The following KIAA1217 variants were observed in gnomAD, a reference collection of about 807,000 sequenced individuals.
KIAA1217 encodes the protein sickle tail protein homolog.
In KIAA1217, 88 loss-of-function variants were observed where a neutral mutation model predicts 163.9. The ratio of observed to expected loss-of-function variants is 0.54; its 90% confidence interval spans 0.45 to 0.64. The LOEUF is 0.64. Ranked by LOEUF, KIAA1217 falls within the 30% of genes least tolerant of loss-of-function variation. The pLI, the probability that KIAA1217 is intolerant of heterozygous loss-of-function variation, is 0.00. For synonymous variants in KIAA1217, 903 were observed against 923.1 expected, an observed-to-expected ratio of 0.98 and a Z score of 0.39; for missense variants, 2,372 against 2,475.0, an observed-to-expected ratio of 0.96 and a Z score of 0.88.
intron 1 of KIAA1217, among the ~76,000 whole-genome samples, chr10:23,801,293 G>A (rs1358237206): frequency 6.6e-6 from 1 of 152,156 alleles, no homozygotes; most frequent in Non-Finnish European, 1.5e-5. Context: ...CATGAACAGA[G>A]GCAGGGGAAC....
intron 1 of KIAA1217, among the ~76,000 whole-genome samples, chr10:23,725,814 G>T (rs1037891201): frequency 6.6e-6 from 1 of 152,198 alleles, no homozygotes; most frequent in Non-Finnish European, 1.5e-5. Context: ...AGCACAATTG[G>T]TTTTTCCAAG....
rs71397953 is a variant in KIAA1217 at position 24,501,729 on chromosome 10, C to CTTTTTT, written c.2001+216_2001+221dup. 3.7e-4 allele frequency among the ~76,000 whole-genome samples: 19 copies of CTTTTTT among 51,504 alleles called. 5 individuals are homozygous for CTTTTTT. The highest frequency in any genetic ancestry group is 1.5e-3 in the East Asian group (2 of 1,294). The allele number at this position is 51,504 out of a possible 152,430, so 33.8% of individuals were successfully genotyped here. A position where few individuals can be genotyped will look rare whatever the true frequency, so the allele number is the denominator to read the frequency against. ...AACTATAGTCAATCTATAACCACTTCTTTTTTTTTTTTTTTTTTTTTTTTT... is the reference window on the plus strand; with the variant it reads ...AACTATAGTCAATCTATAACCACTTCTTTTTTTTTTTTTTTTTTTTTTTTTTTTTTT... On this transcript the variant is annotated intron_variant, in intron 9 of 20. Coordinates refer to ENST00000376454, the MANE Select transcript of KIAA1217 (RefSeq NM_019590.5).
intron 2 of KIAA1217, among the ~76,000 whole-genome samples, chr10:24,360,526 T>C (rs1382527219): frequency 6.6e-6 from 1 of 152,240 alleles, no homozygotes; most frequent in East Asian, 1.9e-4. Flanking sequence ...ATTACAGTTT[T>C]TTCACAGACT....
intron 1 of KIAA1217, among the ~76,000 whole-genome samples, chr10:23,989,680 T>C (rs552135087): frequency 2.0e-5 from 3 of 152,194 alleles, no homozygotes; most frequent in Non-Finnish European, 4.4e-5. Context: ...CCATTACTTT[T>C]AATTAGGGAT....
intron 1 of KIAA1217, among the ~76,000 whole-genome samples, chr10:23,858,793 A>G (rs548096655): frequency 6.6e-6 from 1 of 152,256 alleles, no homozygotes; most frequent in South Asian, 2.1e-4. Context: ...TTTCAAGTCT[A>G]AAAGACCTGG....
At chr10:24,159,615 A>C (rs2065029336) in intron 2 of KIAA1217, among the ~76,000 whole-genome samples, 1 of 151,834 alleles carries the variant, frequency 6.6e-6, no homozygotes, top group Non-Finnish European at 1.5e-5. Context: ...CCGTCTCAAA[A>C]AAAAAAAATG....
rs550621784 is a variant in KIAA1217 at position 23,813,200 on chromosome 10, A to T, written c.-321+117966A>T. On this transcript the variant is annotated intron_variant, in intron 1 of 18. Coordinates refer to the KIAA1217 transcript ENST00000376462. Reference sequence around the variant, plus strand: ...TCTCTGATGGCTCATCATGTTGAACATCTTGAGCCTATTGGCCATTTGTGT... The same window carrying T: ...TCTCTGATGGCTCATCATGTTGAACTTCTTGAGCCTATTGGCCATTTGTGT... Among the ~76,000 whole-genome samples the T allele has an allele frequency of 1.8e-4, 27 of 152,236 alleles. No homozygotes were observed. In the South Asian group the frequency reaches 2.7e-3, roughly 15 times the overall value.
At chr10:24,217,882 G>C (rs910528472) in intron 1 of KIAA1217, among the ~76,000 whole-genome samples, 2 of 152,082 alleles carry the variant, frequency 1.3e-5, no homozygotes, top group African/African-American at 4.8e-5. Context: ...GAGGTAGAAG[G>C]CTCTTTGCAT....
Position 24,338,239 on chromosome 10 carries a change from C to T in KIAA1217, c.355-42630C>T, listed in dbSNP as rs1201774423. Among the ~76,000 whole-genome samples the T allele has an allele frequency of 5.3e-5, 8 of 152,270 alleles. No individual in the cohort carries two copies. The South Asian group carries it at 1.2e-3, about 24-fold the overall frequency. On this transcript the variant is annotated intron_variant, in intron 2 of 20. Transcript: ENST00000376454. The stretch of plus-strand genomic sequence containing the variant: ...TTATACAGGTTATTCTAAAGAGGCC[C>T]GAGACAGCTATCCTTTTCTGAGTCC...
chr10:24,363,021 C>T (rs2050236061), intron 2 of KIAA1217, among the ~76,000 whole-genome samples: 1 of 152,006 alleles, frequency 6.6e-6, no homozygotes, highest in African/African-American at 2.4e-5. Flanking sequence ...TTTTAGCAGC[C>T]TCCAGAGTTT....
intron 1 of KIAA1217, among the ~76,000 whole-genome samples, chr10:23,807,870 G>C (rs1423405365): frequency 6.6e-6 from 1 of 152,166 alleles, no homozygotes; most frequent in Non-Finnish European, 1.5e-5. Context: ...CTGGCAATTG[G>C]AGTTTTAAGC....
At position 24,203,049 on chromosome 10, in the gene KIAA1217, G is replaced by C. The variant is rs1050485914; in HGVS notation, c.-170-16577G>C. Among the ~76,000 whole-genome samples the C allele has an allele frequency of 2.6e-5, 4 of 152,040 alleles. No homozygotes were observed. In the South Asian group the frequency reaches 8.3e-4, roughly 32 times the overall value. The stretch of plus-strand genomic sequence containing the variant: ...TACAAAAAAATATAAAATTAGCCAG[G>C]CATGGTGGAGTGTGCCTGTAGTCCC... On this transcript the variant is annotated intron_variant, in intron 2 of 18. Transcript: ENST00000376462.
intron 1 of KIAA1217, among the ~76,000 whole-genome samples, chr10:23,791,983 T>G (rs1588829534): frequency 6.6e-6 from 1 of 152,230 alleles, no homozygotes. Context: ...GATTTGCAAT[T>G]TGAGCTACAT....
At chr10:23,765,591 A>T (rs1262866546) in intron 1 of KIAA1217, among the ~76,000 whole-genome samples, 1 of 152,054 alleles carries the variant, frequency 6.6e-6, no homozygotes, top group Non-Finnish European at 1.5e-5. Flanking sequence ...GGAGGGAGGG[A>T]TATGCTGGGA....
At chr10:24,404,787 C>G (rs1302564311) in intron 3 of KIAA1217, among the ~76,000 whole-genome samples, 3 of 152,068 alleles carry the variant, frequency 2.0e-5, no homozygotes, top group African/African-American at 2.4e-5. Flanking sequence ...ACATGCATAC[C>G]ATGGAATACT....
chr10:24,049,855 T>C (rs1849362774), intron 2 of KIAA1217, among the ~76,000 whole-genome samples: 1 of 152,236 alleles, frequency 6.6e-6, no homozygotes, highest in South Asian at 2.1e-4. Context: ...ATGGTATTTC[T>C]GGTTCTAGAT....
intron 2 of KIAA1217, among the ~76,000 whole-genome samples, chr10:24,047,528 G>A (rs77762396): frequency 0.02 from 3,048 of 152,238 alleles, 37 homozygotes; most frequent in Non-Finnish European, 0.03. Flanking sequence ...GCACAATGGG[G>A]TCTCTATTTA....
intron 3 of KIAA1217, among the ~76,000 whole-genome samples, chr10:24,402,373 T>G (rs550747772): frequency 1.5e-4 from 23 of 151,742 alleles, no homozygotes; most frequent in African/African-American, 5.3e-4. Flanking sequence ...GCCGGGCGTA[T>G]TGGTGGGCGC....
intron 9 of KIAA1217, 48 bp from the exon 10 acceptor site, chr10:24,513,211 A>G: frequency 1.3e-6 from 2 of 1,591,772 alleles, no homozygotes; most frequent in Non-Finnish European, 1.7e-6. Flanking sequence ...ACTCGCCTCC[A>G]TTTCAGGCAG....
Sources: gnomAD v4.1 joint callset for allele counts (sites outside exome capture counted in the v4.1 genomes callset) on GRCh38, gnomAD v4.1.1 for gene constraint, MANE v1.5 for transcripts, NCBI Gene and HGNC (gene_info 2026-07-23, HGNC 2026-07-21) for gene names.